Variants in NT5DC3 observed in about 807,000 individuals in gnomAD.
The protein encoded by NT5DC3 is 5'-nucleotidase domain containing 3.
A neutral mutation model predicts 67.8 loss-of-function variants in NT5DC3; 42 were observed. The ratio of observed to expected loss-of-function variants is 0.62; its 90% confidence interval spans 0.48 to 0.80. The LOEUF (loss-of-function observed/expected upper bound fraction) is 0.80. NT5DC3 is among the 30% of genes least tolerant of loss of function. The pLI, the probability that NT5DC3 is intolerant of heterozygous loss-of-function variation, is 0.00. For missense variants in NT5DC3, 570 were observed against 696.4 expected, an observed-to-expected ratio of 0.82 and a Z score of 2.04; for synonymous variants, 237 against 255.6, an observed-to-expected ratio of 0.93 and a Z score of 0.69.
At chr12:103,749,517 C>G in the NT5DC3 span, among the ~76,000 whole-genome samples, 2 of 151,780 alleles carry the variant, frequency 1.3e-5, no homozygotes, top group Non-Finnish European at 2.9e-5. Flanking sequence ...TAAAATTATC[C>G]TAAATAAAAG....
intron 1 of NT5DC3, among the ~76,000 whole-genome samples, chr12:103,835,399 T>A (rs1888105792): frequency 6.6e-6 from 1 of 152,228 alleles, no homozygotes; most frequent in African/African-American, 2.4e-5. Flanking sequence ...CACCGAATCC[T>A]GTACCTCTAA....
At chr12:103,749,841 C>CAAAAAAAAAAAAAAAAAAAAAAA in the NT5DC3 span, among the ~76,000 whole-genome samples, 2 of 51,132 alleles carry the variant, frequency 3.9e-5, no homozygotes, top group African/African-American at 1.4e-4. Context: ...CTCTGTCTCA[C>CAAAAAAAAAAAAAAAAAAAAAAA]AAAAAAAAAA....
chr12:103,793,573 C>A, intron 7 of NT5DC3, 61 bp from the exon 8 acceptor site: 1 of 1,228,658 alleles, frequency 8.1e-7, no homozygotes. Context: ...TCTGCAAGTA[C>A]TTTCTAAATG....
Position 103,815,009 on chromosome 12 carries a change from C to G in NT5DC3, c.321G>C (p.Leu107Phe), listed in dbSNP as rs908754527. The G allele has an allele frequency of 2.5e-6, 4 of 1,613,296 alleles. No individual in the cohort carries two copies. The highest frequency in any genetic ancestry group is 3.4e-6 in the Non-Finnish European group (4 of 1,179,648). Residue 107 changes from leucine (L) to phenylalanine (F), a missense_variant, in exon 2 of 14, where the codon TTG (leucine) becomes TTC (phenylalanine). Physicochemically the swap from Leu to Phe is conservative, Grantham distance 22. Coordinates refer to ENST00000392876, the MANE Select transcript of NT5DC3 (RefSeq NM_001031701.3). Reference protein sequence around the residue: ...EIYGFDYDYTLVFYSKHLHTL... With the variant: ...EIYGFDYDYTFVFYSKHLHTL... ...TGTGGAGGTGCTTTGAATAAAACACCAAGGTGTAATCATAATCGAAGCCAT... is the reference window on the plus strand; with the variant it reads ...TGTGGAGGTGCTTTGAATAAAACACGAAGGTGTAATCATAATCGAAGCCAT...
rs1411751112 is a variant in NT5DC3, at chr12:103,827,602, G to T, written c.209-12481C>A. ...ACATACAAATTAAAATTATATTCAGGTTTATACATCATTATCTTATCAATT... is the reference window on the plus strand; with the variant it reads ...ACATACAAATTAAAATTATATTCAGTTTTATACATCATTATCTTATCAATT... On this transcript the variant is annotated intron_variant, in intron 1 of 13. Transcript: ENST00000392876. Among the ~76,000 whole-genome samples the T allele has an allele frequency of 2.0e-5, 3 of 152,096 alleles. No homozygotes were observed. In the South Asian group the frequency reaches 6.2e-4, roughly 32 times the overall value.
chr12:103,749,841 C>CAAAAAAAAAAAAAAAAAAAAA, the NT5DC3 span, among the ~76,000 whole-genome samples: 2 of 51,152 alleles, frequency 3.9e-5, no homozygotes, highest in African/African-American at 7.1e-5. Context: ...CTCTGTCTCA[C>CAAAAAAAAAAAAAAAAAAAAA]AAAAAAAAAA....
the NT5DC3 span, among the ~76,000 whole-genome samples, chr12:103,761,907 G>T: frequency 8.5e-4 from 130 of 152,266 alleles, 1 homozygote; most frequent in African/African-American, 3.0e-3. Flanking sequence ...AAAAGCATGA[G>T]GGGAGAGGTG....
chr12:103,767,398 T>C (rs1885030325), downstream of NT5DC3, among the ~76,000 whole-genome samples: 1 of 152,206 alleles, frequency 6.6e-6, no homozygotes, highest in African/African-American at 2.4e-5. Flanking sequence ...AGTAGGTTGA[T>C]TGCCAGGGGA....
At chr12:103,809,971 A>G (rs1377122630) in intron 2 of NT5DC3, among the ~76,000 whole-genome samples, 1 of 152,164 alleles carries the variant, frequency 6.6e-6, no homozygotes, top group African/African-American at 2.4e-5. Flanking sequence ...TGGTTTTCTC[A>G]TCTACAAAGA....
chr12:103,768,357 C>T (rs897439081), downstream of NT5DC3, among the ~76,000 whole-genome samples: 3 of 150,174 alleles, frequency 2.0e-5, no homozygotes, highest in South Asian at 6.4e-4. Flanking sequence ...ATCGCTTGAA[C>T]CTGAGAGGCG....
chr12:103,836,346 A>G (rs1294029618), intron 1 of NT5DC3, among the ~76,000 whole-genome samples: 1 of 152,212 alleles, frequency 6.6e-6, no homozygotes, highest in Non-Finnish European at 1.5e-5. Context: ...AATCAAAAGC[A>G]AGCTAGTTAC....
chr12:103,803,427 A>G (rs1270037255), intron 4 of NT5DC3, among the ~76,000 whole-genome samples: 1 of 152,224 alleles, frequency 6.6e-6, no homozygotes, highest in Non-Finnish European at 1.5e-5. Context: ...ACAAAAATGT[A>G]TTAATTATAT....
At chr12:103,760,472 G>A in the NT5DC3 span, among the ~76,000 whole-genome samples, 2 of 152,182 alleles carry the variant, frequency 1.3e-5, no homozygotes, top group Non-Finnish European at 2.9e-5. Context: ...TGTTGGCCAG[G>A]CTGGTCTTGA....
intron 6 of NT5DC3, 34 bp from the exon 7 acceptor site, chr12:103,794,031 A>G (rs1375894716): frequency 6.5e-7 from 1 of 1,548,444 alleles, no homozygotes; most frequent in Non-Finnish European, 8.9e-7. Flanking sequence ...CAGCGAAAAT[A>G]CAACTGAGAT....
chr12:103,831,531 CCA>C (rs901918547), intron 1 of NT5DC3, among the ~76,000 whole-genome samples: 9 of 152,102 alleles, frequency 5.9e-5, no homozygotes, highest in South Asian at 2.1e-4. Context: ...ACCTGCCCCC[CCA>C]CACACAGAAA....
the NT5DC3 span, among the ~76,000 whole-genome samples, chr12:103,757,160 C>A: frequency 6.6e-6 from 1 of 151,754 alleles, no homozygotes; most frequent in African/African-American, 2.4e-5. Context: ...ATGATCTCGG[C>A]TCATGGCAGC....
chr12:103,759,165 C>T, the NT5DC3 span: 19,947 of 1,614,156 alleles, frequency 0.012, 876 homozygotes, highest in East Asian at 0.091. Context: ...AGCACCACCT[C>T]GCCAATGTCA....
Position 103,787,528 on chromosome 12 carries a change from C to T in NT5DC3, c.1102-1G>A. The T allele has an allele frequency of 6.5e-7, 1 of 1,545,730 alleles. No individual in the cohort carries two copies. The highest frequency in any genetic ancestry group is 8.9e-7 in the Non-Finnish European group (1 of 1,126,724). ...GCTTCAAAAATTCATATAAATTACC[C>T]TGTAATCAGAGAAAACTATAGTTAT... is the stretch of plus-strand genomic sequence containing the variant. On this transcript the variant is annotated splice_acceptor_variant, in intron 10 of 13. Transcript: ENST00000392876. LOFTEE classifies it high-confidence loss of function.
At chr12:103,762,137 T>G in the NT5DC3 span, 1 of 1,189,310 alleles carries the variant, frequency 8.4e-7, no homozygotes, top group Non-Finnish European at 1.2e-6. Context: ...ACCCTGGCAG[T>G]AATAAGGGCC....
Sources: gnomAD v4.1 joint callset for allele counts (sites outside exome capture counted in the v4.1 genomes callset) on GRCh38, gnomAD v4.1.1 for gene constraint, MANE v1.5 for transcripts, NCBI Gene and HGNC (gene_info 2026-07-23, HGNC 2026-07-21) for gene names.